ANK1: variants seen among roughly 807,000 people sequenced by gnomAD.
ANK1 encodes the protein ankyrin 1.
ANK1 carries 51 observed loss-of-function variants against 210.4 expected under a neutral mutation model. The ratio of observed to expected loss-of-function variants is 0.24; its 90% CI spans 0.19 to 0.31. The LOEUF is 0.31. Ranked by LOEUF, ANK1 falls within the 10% of genes least tolerant of loss-of-function variation. ANK1 has a pLI of 1.00. For missense variants in ANK1, 2,051 were observed against 2,504.4 expected, an observed-to-expected ratio of 0.82 and a Z score of 3.86; for synonymous variants, 967 against 1,025.9, an observed-to-expected ratio of 0.94 and a Z score of 1.10.
intron 37 of ANK1, among the ~76,000 whole-genome samples, chr8:41,676,160 T>C (rs947904143): frequency 2.0e-5 from 3 of 152,242 alleles, no homozygotes; most frequent in African/African-American, 7.2e-5. Context: ...TGTTTAACTT[T>C]GTCAGAAATG....
chr8:41,718,163 G>A lies in ANK1; in HGVS notation c.1149C>T (p.His383=), dbSNP rs746599676. 48 of 1,613,928 alleles carry A rather than the reference G, an allele frequency of 3.0e-5. No individual in the cohort carries two copies. Among genetic ancestry groups the A allele is most frequent in the East Asian group, 4.5e-5 (2 of 44,880 alleles). ...TCAGCAGCAGCTCCATGACACGGACGTGGTTCTTTTTGCAGGCGATGTGTA... is the reference window on the plus strand; with the variant it reads ...TCAGCAGCAGCTCCATGACACGGACATGGTTCTTTTTGCAGGCGATGTGTA... ...TPLHIACKKN[H]VRVMELLLKT... is the part of the protein sequence containing the mutation. Residue 383 remains histidine (H), a synonymous_variant, in exon 11 of 43, where the codon CAC becomes CAT. Transcript: ENST00000289734.
chr8:41,663,912 G>C (rs552649509), intron 39 of ANK1, 170 bp from the exon 40 acceptor site: 1 of 683,342 alleles, frequency 1.5e-6, no homozygotes, highest in South Asian at 1.5e-5. Context: ...GGCTCCCAGG[G>C]CGTGGGCGGC....
intron 42 of ANK1, among the ~76,000 whole-genome samples, chr8:41,657,119 C>T (rs1163834030): frequency 6.6e-6 from 1 of 152,176 alleles, no homozygotes; most frequent in Non-Finnish European, 1.5e-5. Context: ...ACAAAACCTT[C>T]CTGATCCTTC....
At chr8:41,865,189 G>C (rs1450290103) in intron 1 of ANK1, among the ~76,000 whole-genome samples, 3 of 152,146 alleles carry the variant, frequency 2.0e-5, no homozygotes, top group Non-Finnish European at 4.4e-5. Flanking sequence ...CGCGAATTGG[G>C]ATTCATGAGC....
At chr8:41,827,703 C>T (rs1263478050) in intron 1 of ANK1, among the ~76,000 whole-genome samples, 2 of 145,628 alleles carry the variant, frequency 1.4e-5, no homozygotes, top group African/African-American at 5.2e-5. Flanking sequence ...CACACACACT[C>T]ACACGCACAC....
chr8:41,864,148 G>A (rs772259191), intron 1 of ANK1, among the ~76,000 whole-genome samples: 2 of 151,712 alleles, frequency 1.3e-5, no homozygotes, highest in African/African-American at 4.8e-5. Context: ...TACTCAGGAG[G>A]CTGAGGCAGA....
chr8:41,690,892 A>G (rs764664124), intron 31 of ANK1, among the ~76,000 whole-genome samples: 4 of 152,142 alleles, frequency 2.6e-5, no homozygotes, highest in Non-Finnish European at 5.9e-5. Flanking sequence ...CTTGAATATC[A>G]TAACATAGCT....
intron 1 of ANK1, among the ~76,000 whole-genome samples, chr8:41,863,492 G>A (rs1587490002): frequency 6.6e-6 from 1 of 152,168 alleles, no homozygotes; most frequent in Admixed American, 6.5e-5. Context: ...TTTCAAAACT[G>A]TGTGTACCTT....
chr8:41,822,064 A>AAGAGAGAG (rs10605195), intron 1 of ANK1, among the ~76,000 whole-genome samples: 43 of 36,166 alleles, frequency 1.2e-3, no homozygotes, highest in Admixed American at 1.6e-3. Context: ...GAAAGAAAGA[A>AAGAGAGAG]AGAGAGAGAG....
At chr8:41,885,384 C>G (rs966443018) in intron 1 of ANK1, among the ~76,000 whole-genome samples, 7 of 152,170 alleles carry the variant, frequency 4.6e-5, no homozygotes, top group African/African-American at 1.7e-4. Flanking sequence ...ATGTGACTGG[C>G]AAGAAGACAA....
intron 42 of ANK1, chr8:41,661,127 C>T (rs146123322): frequency 3.8e-4 from 161 of 418,280 alleles, no homozygotes; most frequent in Non-Finnish European, 6.2e-4. Flanking sequence ...CCTTTTGCCT[C>T]GACCTCACAA....
At chr8:41,801,851 A>G (rs1324713397), upstream of ANK1, among the ~76,000 whole-genome samples, 1 of 152,132 alleles carries the variant, frequency 6.6e-6, no homozygotes, top group Non-Finnish European at 1.5e-5. Flanking sequence ...ACGAACTAAT[A>G]TGGGTTTTAA....
chr8:41,890,511 C>A (rs923563599), intron 1 of ANK1, among the ~76,000 whole-genome samples: 2 of 152,112 alleles, frequency 1.3e-5, no homozygotes, highest in Non-Finnish European at 2.9e-5. Flanking sequence ...GAGTTCGAGA[C>A]CAGCCTGGCC....
intron 1 of ANK1, among the ~76,000 whole-genome samples, chr8:41,790,156 T>C (rs1446407099): frequency 6.6e-6 from 1 of 151,756 alleles, no homozygotes; most frequent in East Asian, 1.9e-4. Context: ...TTTTTTTTTT[T>C]TTTTTCAGAG....
intron 1 of ANK1, among the ~76,000 whole-genome samples, chr8:41,761,202 G>T (rs933639954): frequency 7.5e-5 from 7 of 93,724 alleles, no homozygotes; most frequent in Non-Finnish European, 1.8e-4. Flanking sequence ...CACACACACA[G>T]ATTCACACAC....
intron 22 of ANK1, among the ~76,000 whole-genome samples, chr8:41,700,029 A>G (rs1423563442): frequency 2.0e-5 from 3 of 152,238 alleles, no homozygotes; most frequent in African/African-American, 7.2e-5. Context: ...CTACGGGTCA[A>G]TCGGCTGCCT....
intron 20 of ANK1, 141 bp downstream of exon 20, chr8:41,703,900 C>G (rs938824322): frequency 1.5e-5 from 11 of 751,088 alleles, no homozygotes; most frequent in Non-Finnish European, 2.6e-5. Context: ...CCCAGGGTAC[C>G]CAAGGTAGCT....
intron 2 of ANK1, among the ~76,000 whole-genome samples, chr8:41,740,749 T>C (rs2150684524): frequency 6.6e-6 from 1 of 152,348 alleles, no homozygotes; most frequent in East Asian, 1.9e-4. Context: ...GAGTGCTGGA[T>C]AAGCCAGCTC....
At chr8:41,820,480 G>A (rs1281075267) in intron 1 of ANK1, among the ~76,000 whole-genome samples, 2 of 151,968 alleles carry the variant, frequency 1.3e-5, no homozygotes, top group Non-Finnish European at 2.9e-5. Context: ...ACAGGAATAA[G>A]CCCCCACACC....
Sources: allele counts gnomAD v4.1 joint callset (sites outside exome capture counted in the v4.1 genomes callset), GRCh38; gene constraint gnomAD v4.1.1; transcripts MANE v1.5; gene names NCBI Gene and HGNC (gene_info 2026-07-23, HGNC 2026-07-21).